The following FOXP1 variants were observed in gnomAD, a reference collection of about 807,000 sequenced individuals.
FOXP1 encodes forkhead box protein P1.
In FOXP1, 15 loss-of-function variants were observed where a neutral mutation model predicts 98.2. The observed-to-expected ratio is 0.15, with a 90% confidence interval of 0.10 to 0.24. The LOEUF is 0.24. Among genes scored for constraint, FOXP1 ranks in the 10% least tolerant of loss-of-function variants. The pLI is 1.00. For missense variants in FOXP1, 633 were observed against 848.5 expected (o/e 0.75, Z 3.15); for synonymous variants, 371 against 314.5 (o/e 1.18, Z -1.90).
intron 3 of FOXP1, among the ~76,000 whole-genome samples, chr3:71,413,815 C>T (rs2082984480): frequency 6.6e-6 from 1 of 152,154 alleles, no homozygotes; most frequent in Non-Finnish European, 1.5e-5. Flanking sequence ...AAATACCACA[C>T]AATGTTACAG....
intron 7 of FOXP1, among the ~76,000 whole-genome samples, chr3:71,093,771 CTA>C (rs1048133666): frequency 1.1e-3 from 163 of 151,854 alleles, no homozygotes; most frequent in African/African-American, 3.8e-3. Flanking sequence ...CTCAGAATCG[CTA>C]TGTCATTTAC....
At chr3:70,991,977 T>G (rs1421529663) in intron 13 of FOXP1, among the ~76,000 whole-genome samples, 1 of 152,148 alleles carries the variant, frequency 6.6e-6, no homozygotes, top group African/African-American at 2.4e-5. Flanking sequence ...TAGACGGGAT[T>G]TTAAATTATG....
At chr3:70,981,091 C>A (rs182489638) in intron 14 of FOXP1, among the ~76,000 whole-genome samples, 1 of 144,466 alleles carries the variant, frequency 6.9e-6, no homozygotes, top group Non-Finnish European at 1.5e-5. Flanking sequence ...TTCACAGCTA[C>A]GAAGAATAGA....
chr3:71,520,272 T>C (rs1333306800), intron 2 of FOXP1, among the ~76,000 whole-genome samples: 1 of 152,218 alleles, frequency 6.6e-6, no homozygotes, highest in Non-Finnish European at 1.5e-5. Flanking sequence ...TCATTTTACA[T>C]TCCTTTTCAA....
chr3:71,079,871 C>T (rs1161489935), intron 7 of FOXP1, among the ~76,000 whole-genome samples: 1 of 152,210 alleles, frequency 6.6e-6, no homozygotes, highest in African/African-American at 2.4e-5. Flanking sequence ...ATTCTGTTTT[C>T]AGTCTACATT....
intron 4 of FOXP1, chr3:71,333,836 C>T (rs2076500224): frequency 6.6e-6 from 1 of 150,534 alleles, no homozygotes; most frequent in Non-Finnish European, 1.5e-5. Context: ...AAAAACAAAA[C>T]AAAAGAAAAT....
intron 2 of FOXP1, among the ~76,000 whole-genome samples, chr3:71,502,140 C>T (rs527562917): frequency 7.9e-5 from 12 of 152,160 alleles, no homozygotes; most frequent in Non-Finnish European, 1.5e-4. Context: ...TCACAAATAC[C>T]TTCCACTCAT....
chr3:71,033,297 G>A (rs1417242342), intron 11 of FOXP1, among the ~76,000 whole-genome samples: 1 of 152,080 alleles, frequency 6.6e-6, no homozygotes, highest in Non-Finnish European at 1.5e-5. Context: ...GGTTTTGGGT[G>A]GGAAATCTGG....
chr3:71,003,038 G>A (rs1367750018), intron 12 of FOXP1, among the ~76,000 whole-genome samples: 4 of 152,172 alleles, frequency 2.6e-5, no homozygotes, highest in African/African-American at 4.8e-5. Context: ...TCATTGGAAG[G>A]AGCTGGATTC....
intron 7 of FOXP1, among the ~76,000 whole-genome samples, chr3:71,109,804 C>A (rs1350596342): frequency 1.3e-5 from 2 of 152,130 alleles, no homozygotes; most frequent in Admixed American, 6.5e-5. Context: ...GTGCATGACC[C>A]TATCAGGCAG....
At chr3:71,329,891 T>C (rs1041149019) in intron 4 of FOXP1, 1 of 152,174 alleles carries the variant, frequency 6.6e-6, no homozygotes, top group African/African-American at 2.4e-5. Context: ...GAGTGTTCAT[T>C]TGACAAGACA....
Position 71,198,411 on chromosome 3 carries a change from A to AAGG in FOXP1, c.-11-20_-11-19insCCT. ...CAAAAACCTGATACAAGGATTTCCA[A>AAGG]GATGGGGGGAGGGAGGGGGGGAGAA... On this transcript the variant is annotated intron_variant, in intron 5 of 20. Transcript: ENST00000649528. 3 of 379,272 alleles carry AAGG rather than the reference A, an allele frequency of 7.9e-6. No homozygotes were observed. Among genetic ancestry groups the AAGG allele is most frequent in the Non-Finnish European group, 1.0e-5 (2 of 193,574 alleles). The allele number at this position is 379,272 out of a possible 1,614,324, so 23.5% of individuals were successfully genotyped here. A position where few individuals can be genotyped will look rare whatever the true frequency, so the allele number is the denominator to read the frequency against.
intron 7 of FOXP1, among the ~76,000 whole-genome samples, chr3:71,065,079 C>CCCCGCG (rs1194097376): frequency 2.0e-5 from 3 of 148,086 alleles, no homozygotes; most frequent in Middle Eastern, 3.4e-3. Context: ...GCGGCCCGCG[C>CCCCGCG]CCCGCGCCCG....
At chr3:71,124,276 T>C (rs561292281) in intron 6 of FOXP1, among the ~76,000 whole-genome samples, 1 of 152,020 alleles carries the variant, frequency 6.6e-6, no homozygotes, top group South Asian at 2.1e-4. Context: ...AAAATTTCTT[T>C]TCAGGTTGGG....
At chr3:71,485,733 A>G (rs1177066769) in intron 3 of FOXP1, among the ~76,000 whole-genome samples, 1 of 150,310 alleles carries the variant, frequency 6.7e-6, no homozygotes, top group Admixed American at 6.7e-5. Context: ...CATACCACAT[A>G]CCACTCCACT....
intron 17 of FOXP1, among the ~76,000 whole-genome samples, chr3:70,974,498 T>C (rs1314171065): frequency 6.6e-6 from 1 of 152,050 alleles, no homozygotes; most frequent in Non-Finnish European, 1.5e-5. Context: ...GGGGTCTTGC[T>C]ATGTTGCCCA....
At position 71,386,095 on chromosome 3, in the gene FOXP1, G is replaced by C. The variant is rs145446547; in HGVS notation, c.-167-26851C>G. On this transcript the variant is annotated intron_variant, in intron 3 of 20. Transcript: ENST00000649528. ...TTTCACACCAAGTACCGCCCAAAAC[G>C]TTAAGGATTTTGGGACCTCTCCATC... is the stretch of plus-strand genomic sequence containing the variant. Among the ~76,000 whole-genome samples, 393 of 152,194 alleles carry C rather than the reference G, an allele frequency of 2.6e-3. 2 individuals are homozygous for C. The highest frequency in any genetic ancestry group is 9.2e-3 in the African/African-American group (380 of 41,522).
chr3:71,212,815 A>G (rs1447639671), intron 5 of FOXP1, among the ~76,000 whole-genome samples: 1 of 152,136 alleles, frequency 6.6e-6, no homozygotes, highest in Admixed American at 6.5e-5. Context: ...TTGCCTTAAA[A>G]TCTTAAGAAA....
chr3:71,209,751 T>G (rs1230616408), intron 5 of FOXP1, among the ~76,000 whole-genome samples: 2 of 152,238 alleles, frequency 1.3e-5, no homozygotes, highest in African/African-American at 4.8e-5. Flanking sequence ...AAAGTTATCA[T>G]GCCTTATCAG....
Sources: gnomAD v4.1 joint callset for allele counts (sites outside exome capture counted in the v4.1 genomes callset) on GRCh38, gnomAD v4.1.1 for gene constraint, MANE v1.5 for transcripts, NCBI Gene and HGNC (gene_info 2026-07-23, HGNC 2026-07-21) for gene names.